The following HTR1E variants were observed in gnomAD, a reference collection of about 807,000 sequenced individuals.
HTR1E encodes 5-HT-1E.
HTR1E carries 3 observed loss-of-function variants against 3.4 expected under a neutral mutation model. The ratio of observed to expected loss-of-function variants is 0.89; its 90% confidence interval spans 0.41 to 2.31. The LOEUF is 2.31. Ranked by LOEUF, HTR1E falls within the 30% of genes most tolerant of loss-of-function variation. The probability of loss-of-function intolerance (pLI) is 0.05; values close to 1 mark genes in which losing one functional copy is unlikely to be tolerated. For synonymous variants in HTR1E, 170 were observed against 182.8 expected (o/e 0.93, Z 0.56); for missense variants, 392 against 467.0 (o/e 0.84, Z 1.48).
rs546720516 is a variant in HTR1E at position 86,981,707 on chromosome 6, A to C, written c.-185-33443A>C. On this transcript the variant is annotated intron_variant, in intron 1 of 1. Transcript: ENST00000305344. ...GCTACGTATTTAATACCTACTGCACACTGTGTATTACATATATTGTTTAAT... is the reference window on the plus strand; with the variant it reads ...GCTACGTATTTAATACCTACTGCACCCTGTGTATTACATATATTGTTTAAT... Among the ~76,000 whole-genome samples the C allele has an allele frequency of 3.2e-4, 49 of 152,346 alleles. 1 individual carries two copies. Among genetic ancestry groups the C allele is most frequent in the African/African-American group, 1.1e-3 (47 of 41,576 alleles).
chr6:86,990,673 A>G (rs1177384885), intron 1 of HTR1E, among the ~76,000 whole-genome samples: 1 of 152,216 alleles, frequency 6.6e-6, no homozygotes, highest in Non-Finnish European at 1.5e-5. Context: ...TAATTTCCCC[A>G]GAACTAAAGG....
intron 1 of HTR1E, among the ~76,000 whole-genome samples, chr6:86,943,659 C>T (rs1768574625): frequency 6.6e-6 from 1 of 152,212 alleles, no homozygotes; most frequent in Admixed American, 6.5e-5. Flanking sequence ...CTCTCGAGTC[C>T]AGAAAGCCAG....
At chr6:87,014,789 C>G (rs28475552) in intron 1 of HTR1E, among the ~76,000 whole-genome samples, 2,654 of 152,152 alleles carry the variant, frequency 0.017, 81 homozygotes, top group African/African-American at 0.059. Context: ...GAACATGACA[C>G]ACCAGGGCCT....
intron 1 of HTR1E, among the ~76,000 whole-genome samples, chr6:87,007,761 C>T (rs541127379): frequency 6.6e-6 from 1 of 152,102 alleles, no homozygotes; most frequent in East Asian, 1.9e-4. Context: ...ACGGTGAAAC[C>T]CTGTCTCTAT....
At chr6:86,980,780 A>G (rs141695895) in intron 1 of HTR1E, among the ~76,000 whole-genome samples, 1 of 152,334 alleles carries the variant, frequency 6.6e-6, no homozygotes, top group East Asian at 1.9e-4. Context: ...GTGTTTATGT[A>G]AACTGGAAAC....
intron 1 of HTR1E, among the ~76,000 whole-genome samples, chr6:86,948,975 G>C (rs1370691316): frequency 7.5e-6 from 1 of 132,990 alleles, no homozygotes; most frequent in Non-Finnish European, 1.7e-5. Flanking sequence ...TTAAGTTTCT[G>C]GATCCACCTG....
At chr6:86,979,830 A>T (rs975479598) in intron 1 of HTR1E, among the ~76,000 whole-genome samples, 3 of 152,220 alleles carry the variant, frequency 2.0e-5, no homozygotes, top group African/African-American at 7.2e-5. Flanking sequence ...AGGAGAAGCC[A>T]TTACCGCTTC....
At chr6:86,961,996 C>G (rs1380735853) in intron 1 of HTR1E, among the ~76,000 whole-genome samples, 3 of 152,192 alleles carry the variant, frequency 2.0e-5, no homozygotes, top group Non-Finnish European at 4.4e-5. Context: ...AGCAAAGTCA[C>G]AGGCTGACAT....
intron 1 of HTR1E, among the ~76,000 whole-genome samples, chr6:86,994,027 A>G (rs1767903711): frequency 1.3e-5 from 2 of 152,168 alleles, no homozygotes; most frequent in Admixed American, 1.3e-4. Context: ...CAAGAGCAGC[A>G]TGGAAAACAG....
rs1168990511 is a variant in HTR1E, at chr6:86,995,677, AAAAAAAAAAAGAAAAAAAAAAAAAAAAG to A, written c.-185-19468_-185-19441del. Among the ~76,000 whole-genome samples, 7 of 63,970 alleles carry A rather than the reference AAAAAAAAAAAGAAAAAAAAAAAAAAAAG, an allele frequency of 1.1e-4. No homozygotes were observed. The East Asian group carries it at 1.8e-3, about 17-fold the overall frequency. 42.0% of individuals were successfully genotyped at this position (63,970 alleles called of 152,430 possible). ...TGAGACTCCATCTCAAAAAAAAAAA[AAAAAAAAAAAGAAAAAAAAAAAAAAAAG>A]AAAACATGACCCAACTATATGCTGT... is the stretch of plus-strand genomic sequence containing the variant. On this transcript the variant is annotated intron_variant, in intron 1 of 1. Transcript: ENST00000305344.
intron 1 of HTR1E, among the ~76,000 whole-genome samples, chr6:86,941,735 GA>G (rs1284474430): frequency 1.3e-5 from 2 of 152,090 alleles, no homozygotes; most frequent in Non-Finnish European, 2.9e-5. Flanking sequence ...TTTATAGCAA[GA>G]AGAAAATATT....
chr6:86,959,442 C>T (rs1002180202), intron 1 of HTR1E, among the ~76,000 whole-genome samples: 7 of 151,890 alleles, frequency 4.6e-5, no homozygotes, highest in Non-Finnish European at 8.8e-5. Flanking sequence ...GTTAGCCAGG[C>T]GCCATGGCAC....
chr6:86,950,764 T>C (rs540381610), intron 1 of HTR1E, among the ~76,000 whole-genome samples: 1 of 152,278 alleles, frequency 6.6e-6, no homozygotes, highest in Non-Finnish European at 1.5e-5. Flanking sequence ...GTTTTGTCAT[T>C]AGATGAGTAA....
intron 1 of HTR1E, among the ~76,000 whole-genome samples, chr6:86,955,357 G>A (rs966627581): frequency 6.6e-6 from 1 of 151,258 alleles, no homozygotes; most frequent in African/African-American, 2.4e-5. Flanking sequence ...CCTTAAAAAC[G>A]TTAGAATGCT....
chr6:86,971,168 C>A, intron 1 of HTR1E: 1 of 493,018 alleles, frequency 2.0e-6, no homozygotes. Flanking sequence ...ACCAGATCAA[C>A]AGGCCTATTA....
intron 1 of HTR1E, among the ~76,000 whole-genome samples, chr6:86,990,270 G>A (rs188719095): frequency 1.2e-3 from 178 of 152,196 alleles, no homozygotes; most frequent in Non-Finnish European, 2.2e-3. Flanking sequence ...TTAAATGATA[G>A]GCATTTCATA....
chr6:87,010,790 G>A (rs1356659590), intron 1 of HTR1E, among the ~76,000 whole-genome samples: 3 of 151,664 alleles, frequency 2.0e-5, no homozygotes, highest in Non-Finnish European at 4.4e-5. Context: ...GGGAGGCCAA[G>A]GCAGGCGGCT....
At chr6:86,948,402 G>C (rs1351733635) in intron 1 of HTR1E, among the ~76,000 whole-genome samples, 1 of 152,094 alleles carries the variant, frequency 6.6e-6, no homozygotes, top group Non-Finnish European at 1.5e-5. Flanking sequence ...AGCATGAAAA[G>C]AAAATTTTTA....
At chr6:87,015,121 TC>T (rs1768298606) in intron 1 of HTR1E, 28 bp from the exon 2 acceptor site, 1 of 374,584 alleles carries the variant, frequency 2.7e-6, no homozygotes, top group Admixed American at 4.5e-5. Context: ...GCTTTCTCAT[TC>T]ATTAACCAAT....
Sources: gnomAD v4.1 joint callset for allele counts (sites outside exome capture counted in the v4.1 genomes callset) on GRCh38, gnomAD v4.1.1 for gene constraint, MANE v1.5 for transcripts, NCBI Gene and HGNC (gene_info 2026-07-23, HGNC 2026-07-21) for gene names.